Variants in LUZP2 observed in about 807,000 individuals in gnomAD.
The protein encoded by LUZP2 is leucine zipper protein 2.
In LUZP2, 52 loss-of-function variants were observed where a neutral mutation model predicts 51.6. The observed-to-expected ratio is 1.01, with a 90% CI of 0.81 to 1.27. The LOEUF (loss-of-function observed/expected upper bound fraction) is 1.27. Among genes scored for constraint, LUZP2 ranks in the 50% most tolerant of loss-of-function variants. The pLI, the probability that LUZP2 is intolerant of heterozygous loss-of-function variation, is 0.00. For missense variants in LUZP2, 436 were observed against 395.4 expected (o/e 1.10, Z -0.87); for synonymous variants, 154 against 137.3 (o/e 1.12, Z -0.85).
At chr11:25,055,034 C>A (rs1448529702) in intron 10 of LUZP2, among the ~76,000 whole-genome samples, 1 of 121,652 alleles carries the variant, frequency 8.2e-6, no homozygotes, top group Non-Finnish European at 1.6e-5. Context: ...TTTTTCGAGG[C>A]GGAGTCTCGC....
At chr11:24,550,208 G>A (rs996055136) in intron 1 of LUZP2, among the ~76,000 whole-genome samples, 8 of 151,972 alleles carry the variant, frequency 5.3e-5, no homozygotes, top group African/African-American at 1.7e-4. Flanking sequence ...ATGTCAGTGT[G>A]TTAGAAATAT....
intron 1 of LUZP2, among the ~76,000 whole-genome samples, chr11:24,712,247 C>A (rs997008524): frequency 6.6e-6 from 1 of 151,792 alleles, no homozygotes; most frequent in Admixed American, 6.6e-5. Flanking sequence ...ATGGTGAGAC[C>A]CCATCTCTGT....
At chr11:24,915,004 A>G (rs1215133711) in intron 7 of LUZP2, among the ~76,000 whole-genome samples, 3 of 152,190 alleles carry the variant, frequency 2.0e-5, no homozygotes, top group Non-Finnish European at 2.9e-5. Context: ...ACTTTCAGAT[A>G]TTATCAAGAT....
At chr11:24,692,533 T>C (rs1281111388) in intron 1 of LUZP2, among the ~76,000 whole-genome samples, 1 of 152,082 alleles carries the variant, frequency 6.6e-6, no homozygotes, top group Non-Finnish European at 1.5e-5. Context: ...CACTTTTTTG[T>C]TACACTGTAA....
At chr11:24,943,296 A>C (rs1443446621) in intron 7 of LUZP2, among the ~76,000 whole-genome samples, 1 of 152,228 alleles carries the variant, frequency 6.6e-6, no homozygotes, top group African/African-American at 2.4e-5. Flanking sequence ...CAAACGTAGC[A>C]GAGAAACAAA....
At chr11:24,499,395 C>A (rs1849920522) in intron 1 of LUZP2, among the ~76,000 whole-genome samples, 1 of 152,148 alleles carries the variant, frequency 6.6e-6, no homozygotes, top group Non-Finnish European at 1.5e-5. Flanking sequence ...GAAGGCCATT[C>A]TGTGTATAAT....
chr11:24,927,087 G>T (rs1034223659), intron 7 of LUZP2, among the ~76,000 whole-genome samples: 6 of 150,686 alleles, frequency 4.0e-5, no homozygotes, highest in Non-Finnish European at 7.4e-5. Flanking sequence ...GCCAAATTTT[G>T]ATGGGATCTT....
At chr11:24,608,074 C>G (rs1337124431) in intron 1 of LUZP2, among the ~76,000 whole-genome samples, 1 of 152,240 alleles carries the variant, frequency 6.6e-6, no homozygotes, top group East Asian at 1.9e-4. Context: ...AGGTCTCGAT[C>G]TCCTGACCTC....
Position 24,978,667 on chromosome 11 carries a change from C to T in LUZP2, c.597+2002C>T, listed in dbSNP as rs189921264. Among the ~76,000 whole-genome samples the T allele has an allele frequency of 4.0e-5, 6 of 151,832 alleles. No homozygotes were observed. In the East Asian group the frequency reaches 1.2e-3, roughly 29 times the overall value. On this transcript the variant is annotated intron_variant, in intron 8 of 11. Transcript: ENST00000336930. ...AAGGTCTTGGGTCCCATATCTCTCA[C>T]AATTTTGTTTAGCACTAACAATTAG...
intron 7 of LUZP2, among the ~76,000 whole-genome samples, chr11:24,944,059 CAT>C (rs1317393643): frequency 1.3e-5 from 2 of 152,244 alleles, no homozygotes; most frequent in Admixed American, 6.5e-5. Flanking sequence ...CTCACACACA[CAT>C]GATCACCTTT....
intron 5 of LUZP2, among the ~76,000 whole-genome samples, chr11:24,773,044 A>T (rs534820079): frequency 6.7e-6 from 1 of 149,576 alleles, no homozygotes; most frequent in Non-Finnish European, 1.5e-5. Flanking sequence ...CCACTCCACC[A>T]TCTGTGGCAT....
At chr11:24,838,382 C>T (rs913176813) in intron 5 of LUZP2, among the ~76,000 whole-genome samples, 5 of 151,542 alleles carry the variant, frequency 3.3e-5, no homozygotes, top group Non-Finnish European at 7.4e-5. Flanking sequence ...TCTAAAGATA[C>T]ATTTAGACTC....
chr11:24,859,803 G>A (rs1289447048), intron 5 of LUZP2, among the ~76,000 whole-genome samples: 1 of 152,224 alleles, frequency 6.6e-6, no homozygotes, highest in Non-Finnish European at 1.5e-5. Flanking sequence ...ATCCAGCAGG[G>A]GAAACTGTGC....
intron 9 of LUZP2, among the ~76,000 whole-genome samples, chr11:25,040,343 A>ATTTTT (rs57668112): frequency 0.011 from 1,040 of 98,782 alleles, 226 homozygotes; most frequent in African/African-American, 0.054. Context: ...TTTCTTTCCG[A>ATTTTT]TTTTTTTTTT....
chr11:24,884,733 T>C (rs944034829), intron 5 of LUZP2, among the ~76,000 whole-genome samples: 27 of 152,158 alleles, frequency 1.8e-4, no homozygotes, highest in Admixed American at 1.6e-3. Flanking sequence ...CCAACTCCTT[T>C]ACACATCTAA....
chr11:24,497,384 G>A, intron 1 of LUZP2, 79 bp downstream of exon 1: 2 of 1,075,404 alleles, frequency 1.9e-6, no homozygotes, highest in South Asian at 2.1e-5. Context: ...TCACCAGTGG[G>A]GGCCAAGGCA....
At chr11:24,945,177 T>A (rs1293808349) in intron 7 of LUZP2, among the ~76,000 whole-genome samples, 1 of 152,132 alleles carries the variant, frequency 6.6e-6, no homozygotes, top group Non-Finnish European at 1.5e-5. Context: ...TCAAAATGCA[T>A]CCTTTCCGCA....
chr11:25,027,466 A>G (rs1219194216), intron 9 of LUZP2, among the ~76,000 whole-genome samples: 1 of 152,172 alleles, frequency 6.6e-6, no homozygotes. Context: ...CTCTGCCTTC[A>G]TAGTTTTTAT....
At chr11:24,967,591 G>T (rs1366792624) in intron 7 of LUZP2, among the ~76,000 whole-genome samples, 1 of 151,222 alleles carries the variant, frequency 6.6e-6, no homozygotes, top group Admixed American at 6.6e-5. Context: ...TCTCTTCACT[G>T]TTCTTCAGAA....
Sources: allele counts gnomAD v4.1 joint callset (sites outside exome capture counted in the v4.1 genomes callset), GRCh38; gene constraint gnomAD v4.1.1; transcripts MANE v1.5; gene names NCBI Gene and HGNC (gene_info 2026-07-23, HGNC 2026-07-21).